The following DLGAP2 variants were observed in gnomAD, a reference collection of about 807,000 sequenced individuals.
The protein encoded by DLGAP2 is DLG associated protein 2.
DLGAP2 carries 26 observed loss-of-function variants against 100.3 expected under a neutral mutation model. The observed-to-expected ratio is 0.26, with a 90% CI of 0.19 to 0.36. DLGAP2 has a LOEUF of 0.36. DLGAP2 is among the 10% of genes least tolerant of loss of function. The probability of loss-of-function intolerance (pLI) is 1.00; values close to 1 mark genes in which losing one functional copy is unlikely to be tolerated. For missense variants in DLGAP2, 1,858 were observed against 1,453.2 expected (o/e 1.28, Z -4.53); for synonymous variants, 886 against 630.1 (o/e 1.41, Z -6.08).
intron 1 of DLGAP2, among the ~76,000 whole-genome samples, chr8:862,885 A>T (rs1797419988): frequency 6.6e-6 from 1 of 152,250 alleles, no homozygotes; most frequent in African/African-American, 2.4e-5. Context: ...ACTTATTAAC[A>T]TACATAATTG....
Position 761,823 on chromosome 8 carries a change from A to G in DLGAP2, c.18+23998A>G, listed in dbSNP as rs193098421. On this transcript the variant is annotated intron_variant, in intron 1 of 14. Transcript: ENST00000637795. The stretch of plus-strand genomic sequence containing the variant: ...CTGTCCCGGGCTAGCTTCTTGCACC[A>G]GCTGTCCAGCCTGGCGTGCGACACC... Among the ~76,000 whole-genome samples the G allele has an allele frequency of 4.0e-3, 605 of 152,308 alleles. 7 individuals are homozygous for G. Among genetic ancestry groups the G allele is most frequent in the Non-Finnish European group, 2.8e-3 (190 of 68,036 alleles).
At chr8:845,020 A>T (rs1797048265) in intron 1 of DLGAP2, among the ~76,000 whole-genome samples, 1 of 152,220 alleles carries the variant, frequency 6.6e-6, no homozygotes, top group Non-Finnish European at 1.5e-5. Flanking sequence ...TTTATTGCTG[A>T]ATGACATTCA....
At chr8:772,021 G>C (rs1475491236) in intron 1 of DLGAP2, among the ~76,000 whole-genome samples, 2 of 151,886 alleles carry the variant, frequency 1.3e-5, no homozygotes, top group African/African-American at 2.4e-5. Context: ...TCTTGCCTCA[G>C]CCTCTCGAGT....
chr8:1,698,763 T>C (rs1171880982), intron 14 of DLGAP2, among the ~76,000 whole-genome samples: 2 of 149,782 alleles, frequency 1.3e-5, no homozygotes, highest in African/African-American at 5.0e-5. Flanking sequence ...CAAGTCCAAG[T>C]AAGCCATGTT....
chr8:1,356,188 G>T (rs1801846483), intron 3 of DLGAP2, among the ~76,000 whole-genome samples: 1 of 152,160 alleles, frequency 6.6e-6, no homozygotes, highest in Non-Finnish European at 1.5e-5. Context: ...CTGCTCTGTG[G>T]CCCCCTGGAG....
chr8:1,683,237 A>G (rs1799003967), intron 12 of DLGAP2, among the ~76,000 whole-genome samples: 1 of 151,604 alleles, frequency 6.6e-6, no homozygotes, highest in Non-Finnish European at 1.5e-5. Flanking sequence ...CTTCCTGGAG[A>G]AGGTGGCACT....
intron 2 of DLGAP2, among the ~76,000 whole-genome samples, chr8:913,233 T>A (rs550838060): frequency 2.0e-5 from 3 of 152,218 alleles, no homozygotes; most frequent in African/African-American, 7.2e-5. Flanking sequence ...TGGAGCACTT[T>A]GGAGGTTTAG....
intron 3 of DLGAP2, among the ~76,000 whole-genome samples, chr8:1,319,297 T>C (rs540396718): frequency 2.0e-5 from 3 of 152,294 alleles, no homozygotes; most frequent in African/African-American, 7.2e-5. Context: ...GCTGGTAAAA[T>C]GAATCCCCTG....
At chr8:949,853 T>A (rs1799431575) in intron 2 of DLGAP2, among the ~76,000 whole-genome samples, 1 of 152,062 alleles carries the variant, frequency 6.6e-6, no homozygotes, top group African/African-American at 2.4e-5. Flanking sequence ...CCCTTTGGTC[T>A]AATGGAACCG....
chr8:1,242,669 C>T (rs1222427610), intron 2 of DLGAP2, among the ~76,000 whole-genome samples: 1 of 152,142 alleles, frequency 6.6e-6, no homozygotes, highest in Non-Finnish European at 1.5e-5. Flanking sequence ...GATTAACATG[C>T]CCTCTCCTCC....
chr8:942,713 A>G (rs1185403865), intron 2 of DLGAP2, among the ~76,000 whole-genome samples: 1 of 152,192 alleles, frequency 6.6e-6, no homozygotes, highest in Non-Finnish European at 1.5e-5. Context: ...TCTGACACCA[A>G]CTTCACTGGG....
At chr8:1,484,925 G>A (rs1799199608) in intron 3 of DLGAP2, among the ~76,000 whole-genome samples, 1 of 152,118 alleles carries the variant, frequency 6.6e-6, no homozygotes, top group African/African-American at 2.4e-5. Context: ...CTCCTTTGCT[G>A]TCTGCCCCCT....
intron 4 of DLGAP2, among the ~76,000 whole-genome samples, chr8:1,534,139 A>G (rs1801076555): frequency 1.3e-5 from 2 of 152,230 alleles, no homozygotes; most frequent in African/African-American, 4.8e-5. Flanking sequence ...ACCGTATAAA[A>G]GGTAAAAGAG....
chr8:1,548,967 A>G lies in DLGAP2; in HGVS notation c.514A>G (p.Thr172Ala), dbSNP rs768593809. The G allele has an allele frequency of 1.3e-5, 21 of 1,598,838 alleles. No homozygotes were observed. The Admixed American group carries it at 3.3e-4, about 25-fold the overall frequency. ...GATGCACTACAGCTCGCACTACGAC[A>G]CGCGCGACGACTGCGCTGTGGCCCA... ...PRMHYSSHYD[T>A]RDDCAVAHAG... Residue 172 changes from threonine to alanine, a missense_variant, in exon 5 of 15, where the codon ACG (threonine) becomes GCG (alanine). Physicochemically the swap from Thr to Ala is moderately conservative, Grantham distance 58 (BLOSUM62 0). Transcript: ENST00000637795.
chr8:1,539,661 C>T (rs1801290411), intron 4 of DLGAP2, among the ~76,000 whole-genome samples: 2 of 151,334 alleles, frequency 1.3e-5, no homozygotes, highest in South Asian at 4.2e-4. Context: ...GTGAAGGGGC[C>T]ACCTTCTCCC....
At chr8:1,360,772 T>C (rs1279859160) in intron 3 of DLGAP2, among the ~76,000 whole-genome samples, 3 of 152,256 alleles carry the variant, frequency 2.0e-5, no homozygotes, top group South Asian at 2.1e-4. Flanking sequence ...GGTCTGTCTC[T>C]TGTGTGGCCT....
At chr8:1,464,178 C>CTTCCA (rs2130167190) in intron 3 of DLGAP2, among the ~76,000 whole-genome samples, 1 of 145,860 alleles carries the variant, frequency 6.9e-6, no homozygotes, top group Non-Finnish European at 1.5e-5. Flanking sequence ...GGACAGCACC[C>CTTCCA]GTCCAGGACA....
intron 3 of DLGAP2, among the ~76,000 whole-genome samples, chr8:1,315,988 G>C (rs868866942): frequency 0.029 from 1,964 of 67,978 alleles, no homozygotes; most frequent in Middle Eastern, 0.13. Flanking sequence ...AAAAATAGAG[G>C]CTGTGCGAGT....
intron 8 of DLGAP2, among the ~76,000 whole-genome samples, chr8:1,645,532 A>C (rs908593265): frequency 5.9e-5 from 9 of 152,224 alleles, no homozygotes; most frequent in African/African-American, 1.7e-4. Context: ...GTTGAGGAGC[A>C]TCTGTATATT....
Sources: gnomAD v4.1 joint callset for allele counts (sites outside exome capture counted in the v4.1 genomes callset) on GRCh38, gnomAD v4.1.1 for gene constraint, MANE v1.5 for transcripts, NCBI Gene and HGNC (gene_info 2026-07-23, HGNC 2026-07-21) for gene names.